The following SAAL1 variants were observed in gnomAD, a reference collection of about 807,000 sequenced individuals.
The protein encoded by SAAL1 is protein SAAL1.
Under a neutral mutation model 59.8 loss-of-function variants are expected in SAAL1, and 42 were observed. The ratio of observed to expected loss-of-function variants is 0.70; its 90% CI spans 0.55 to 0.91. SAAL1 has a LOEUF of 0.91. Ranked by LOEUF, SAAL1 falls within the 40% of genes least tolerant of loss-of-function variation. The probability of loss-of-function intolerance (pLI) is 0.00; values close to 1 mark genes in which losing one functional copy is unlikely to be tolerated. For missense variants in SAAL1, 542 were observed against 561.1 expected, an observed-to-expected ratio of 0.97 and a Z score of 0.34; for synonymous variants, 191 against 194.3, an observed-to-expected ratio of 0.98 and a Z score of 0.14.
At chr11:18,096,318 G>A (rs559768888) in intron 3 of SAAL1, among the ~76,000 whole-genome samples, 108 of 151,706 alleles carry the variant, frequency 7.1e-4, no homozygotes, top group African/African-American at 2.2e-3. Flanking sequence ...TTTAGCTCAC[G>A]CTTATAATCC....
intron 2 of SAAL1, among the ~76,000 whole-genome samples, chr11:18,098,974 A>T (rs530316477): frequency 3.3e-5 from 5 of 152,358 alleles, no homozygotes; most frequent in Non-Finnish European, 4.4e-5. Context: ...TCAACTAGTT[A>T]TCATTGTTAG....
intron 6 of SAAL1, 66 bp downstream of exon 6, chr11:18,090,109 T>A (rs893323569): frequency 1.4e-6 from 2 of 1,400,452 alleles, no homozygotes; most frequent in Non-Finnish European, 1.9e-6. Context: ...TAGAAATAGT[T>A]ACATGGTTTC....
chr11:18,105,163 A>G (rs1302581451), intron 1 of SAAL1, among the ~76,000 whole-genome samples: 1 of 151,926 alleles, frequency 6.6e-6, no homozygotes, highest in Non-Finnish European at 1.5e-5. Flanking sequence ...CTAGTGGGTA[A>G]GGAAGCTGCG....
At chr11:18,101,183 T>A (rs756789348) in intron 2 of SAAL1, among the ~76,000 whole-genome samples, 2 of 152,210 alleles carry the variant, frequency 1.3e-5, no homozygotes, top group Non-Finnish European at 2.9e-5. Context: ...CTTGTGGTTA[T>A]GTAAAATGGT....
Position 18,086,915 on chromosome 11 carries a change from AGAC to A in SAAL1, c.990_992del (p.Leu330_Ser331delinsPhe). On this transcript the variant is annotated inframe_deletion, in exon 9 of 12. Transcript: ENST00000524803. ...GCTCAGTCTGTGAGGCATAGATGGC[AGAC>A]AACACTGAAAAAACAGAGGCTAGCA... 6.2e-7 allele frequency: 1 copy of A among 1,614,106 alleles called. No homozygotes were observed.
Position 18,092,269 on chromosome 11 carries a change from G to A in SAAL1, c.389C>T (p.Ser130Phe). The A allele has an allele frequency of 1.9e-6, 3 of 1,599,810 alleles. No homozygotes were observed. Among genetic ancestry groups the A allele is most frequent in the Non-Finnish European group, 2.6e-6 (3 of 1,167,356 alleles). Residue 130 changes from serine (S) to phenylalanine (F), a missense_variant, in exon 4 of 12, where the codon TCC becomes TTC. Transcript: ENST00000524803. Reference sequence around the variant, plus strand: ...CCCAAGATTTTTATCACTGCTGATGGACACACATATCTCCTGGAAACAGGC... The same window carrying A: ...CCCAAGATTTTTATCACTGCTGATGAACACACATATCTCCTGGAAACAGGC... ...NMACFQEICV[S>F]ISSDKNLGQV...
At chr11:18,081,336 AAATCAAGTGCTT>A (rs1263192089) in intron 11 of SAAL1, 63 bp downstream of exon 11, 17 of 1,007,626 alleles carry the variant, frequency 1.7e-5, no homozygotes, top group Non-Finnish European at 2.4e-5. Context: ...AATGACCTCG[AAATCAAGTGCTT>A]ACTTGAAAAC....
intron 2 of SAAL1, among the ~76,000 whole-genome samples, chr11:18,097,223 C>A (rs1021792767): frequency 6.6e-6 from 1 of 150,618 alleles, no homozygotes; most frequent in East Asian, 1.9e-4. Flanking sequence ...GGTGACAGAG[C>A]GAGACTCTGT....
chr11:18,084,391 C>T (rs1848440559), intron 9 of SAAL1, among the ~76,000 whole-genome samples: 5 of 152,184 alleles, frequency 3.3e-5, no homozygotes, highest in Admixed American at 3.3e-4. Flanking sequence ...GCTTAAAACC[C>T]ACCATGGTTC....
chr11:18,083,797 G>T, intron 9 of SAAL1, 66 bp from the exon 10 acceptor site: 1 of 1,018,190 alleles, frequency 9.8e-7, no homozygotes, highest in South Asian at 1.8e-5. Context: ...CATATGTATT[G>T]AATTAGTGCT....
At chr11:18,095,442 A>G (rs1250409372) in intron 3 of SAAL1, among the ~76,000 whole-genome samples, 2 of 152,262 alleles carry the variant, frequency 1.3e-5, no homozygotes, top group Non-Finnish European at 2.9e-5. Flanking sequence ...ATTCTAATTC[A>G]ACATTCAATT....
chr11:18,091,616 G>A (rs1035995989), intron 4 of SAAL1, among the ~76,000 whole-genome samples: 5 of 152,158 alleles, frequency 3.3e-5, no homozygotes, highest in Admixed American at 2.6e-4. Flanking sequence ...TTGAGATTCT[G>A]ATTAAAAGCC....
At chr11:18,100,073 A>C (rs548415273) in intron 2 of SAAL1, among the ~76,000 whole-genome samples, 81 of 152,320 alleles carry the variant, frequency 5.3e-4, no homozygotes, top group Non-Finnish European at 8.2e-4. Flanking sequence ...TAAAACTGAG[A>C]CTTTCACCCT....
At chr11:18,080,807 T>C (rs558800408) in intron 11 of SAAL1, among the ~76,000 whole-genome samples, 1 of 152,232 alleles carries the variant, frequency 6.6e-6, no homozygotes, top group African/African-American at 2.4e-5. Context: ...GTAGGAAATG[T>C]GATGTCATTT....
intron 10 of SAAL1, among the ~76,000 whole-genome samples, chr11:18,082,906 T>C (rs1464700434): frequency 1.3e-5 from 2 of 152,160 alleles, no homozygotes; most frequent in Non-Finnish European, 2.9e-5. Flanking sequence ...GCTGGGATTA[T>C]AGGCGCCTGG....
At chr11:18,104,440 C>CTT (rs201232815) in intron 1 of SAAL1, among the ~76,000 whole-genome samples, 2,717 of 143,934 alleles carry the variant, frequency 0.019, 90 homozygotes, top group African/African-American at 0.063. Context: ...TACATTTAAG[C>CTT]TTTTTTTTTT....
intron 3 of SAAL1, 80 bp downstream of exon 3, chr11:18,096,691 G>T: frequency 1.3e-6 from 1 of 784,582 alleles, no homozygotes. Context: ...GAAAATCAAA[G>T]TGAGAAAAAT....
chr11:18,091,078 T>A (rs1199592144), intron 4 of SAAL1: 2 of 152,328 alleles, frequency 1.3e-5, no homozygotes, highest in African/African-American at 4.8e-5. Context: ...TTTTCCAGAC[T>A]ACTGTTGATG....
chr11:18,099,684 C>T (rs891104020), intron 2 of SAAL1, among the ~76,000 whole-genome samples: 2 of 151,294 alleles, frequency 1.3e-5, no homozygotes, highest in African/African-American at 4.9e-5. Context: ...CAGGTTAATT[C>T]TGACTGGAGT....
Sources: gnomAD v4.1 joint callset for allele counts (sites outside exome capture counted in the v4.1 genomes callset) on GRCh38, gnomAD v4.1.1 for gene constraint, MANE v1.5 for transcripts, NCBI Gene and HGNC (gene_info 2026-07-23, HGNC 2026-07-21) for gene names.